The following COQ8A variants were observed in gnomAD, a reference collection of about 807,000 sequenced individuals.
COQ8A encodes atypical kinase COQ8A, mitochondrial.
In COQ8A, 51 loss-of-function variants were observed where a neutral mutation model predicts 65.0. The observed-to-expected ratio is 0.78, with a 90% confidence interval of 0.63 to 0.99. The LOEUF (loss-of-function observed/expected upper bound fraction) is 0.99. COQ8A is among the 50% of genes least tolerant of loss of function. The pLI, the probability that COQ8A is intolerant of heterozygous loss-of-function variation, is 0.00. For synonymous variants in COQ8A, 371 were observed against 353.2 expected, an observed-to-expected ratio of 1.05 and a Z score of -0.57; for missense variants, 940 against 875.0, an observed-to-expected ratio of 1.07 and a Z score of -0.94.
At chr1:226,975,456 G>A (rs1659135788) in intron 4 of COQ8A, among the ~76,000 whole-genome samples, 2 of 152,188 alleles carry the variant, frequency 1.3e-5, no homozygotes, top group African/African-American at 4.8e-5. Flanking sequence ...GAGACTTTGT[G>A]CACACACACA....
chr1:226,984,352 G>A, intron 11 of COQ8A, 117 bp downstream of exon 11: 1 of 1,491,254 alleles, frequency 6.7e-7, no homozygotes. Flanking sequence ...GGGGTGAGGG[G>A]CAGTGAAGTA....
chr1:226,983,134 C>T (rs1391149104), intron 8 of COQ8A, 100 bp downstream of exon 8: 20 of 1,468,646 alleles, frequency 1.4e-5, no homozygotes, highest in Non-Finnish European at 6.4e-6. Flanking sequence ...TCCCGCAGGG[C>T]ACCCTCTCTC....
Position 226,984,250 on chromosome 1 carries a change from G to A in COQ8A, c.1398+15G>A. On this transcript the variant is annotated intron_variant, in intron 11 of 14. Coordinates refer to ENST00000366777, the MANE Select transcript of COQ8A (RefSeq NM_020247.5). ...TTCGGAACGAGGTTTGTCTGTGCCA[G>A]CAGACAGGTGGGGCCAGGGTGGCCC... The A allele has an allele frequency of 6.2e-7, 1 of 1,613,216 alleles. No individual in the cohort carries two copies. Among genetic ancestry groups the A allele is most frequent in the Non-Finnish European group, 8.5e-7 (1 of 1,179,980 alleles).
intron 10 of COQ8A, 46 bp from the exon 11 acceptor site, chr1:226,984,048 G>A (rs745418665): frequency 1.2e-6 from 2 of 1,610,290 alleles, no homozygotes; most frequent in Non-Finnish European, 8.5e-7. Flanking sequence ...GGGGGGGACG[G>A]TGTGGAGGGC....
At chr1:226,967,848 ATGT>A (rs1381281834) in intron 4 of COQ8A, among the ~76,000 whole-genome samples, 2 of 152,208 alleles carry the variant, frequency 1.3e-5, no homozygotes, top group Non-Finnish European at 2.9e-5. Flanking sequence ...AGAGATGCTC[ATGT>A]TGTTGCCCAA....
At position 226,949,188 on chromosome 1, in the gene COQ8A, G is replaced by A. The variant is rs562505507; in HGVS notation, c.-10+8789G>A. Among the ~76,000 whole-genome samples the A allele has an allele frequency of 1.2e-4, 18 of 151,936 alleles. No individual in the cohort carries two copies. The highest frequency in any genetic ancestry group is 2.4e-4 in the Non-Finnish European group (16 of 68,004). ...AGTGGAGTGCGCTCACATGGCTCGC[G>A]CGTAGCTGGAGGCTGGAAAGGAGGC... On this transcript the variant is annotated intron_variant, in intron 1 of 14. Transcript: ENST00000366777. This position sits in a 1 kb window ranked among gnomAD's most constrained non-coding sequence, Gnocchi z 4.0.
At chr1:226,978,980 G>C (rs557738339) in intron 5 of COQ8A, among the ~76,000 whole-genome samples, 117 of 151,908 alleles carry the variant, frequency 7.7e-4, no homozygotes, top group African/African-American at 2.8e-3. Context: ...ACACCTCCTT[G>C]TAAACCCACC....
At chr1:226,960,370 G>GCAGTGGTACTTGGTGGTGGTACT (rs1558187344) in intron 1 of COQ8A, among the ~76,000 whole-genome samples, 3 of 148,372 alleles carry the variant, frequency 2.0e-5, no homozygotes, top group African/African-American at 2.5e-5. Flanking sequence ...CTTGGTGGTG[G>GCAGTGGTACTTGGTGGTGGTACT]TGGTGGTACT....
chr1:226,951,406 C>G (rs560445375), intron 1 of COQ8A, among the ~76,000 whole-genome samples: 1 of 152,094 alleles, frequency 6.6e-6, no homozygotes, highest in Non-Finnish European at 1.5e-5. Context: ...TTGGACAACC[C>G]CTCCCAGCCC....
Position 226,942,199 on chromosome 1 carries a change from C to T in COQ8A, c.-10+1800C>T, listed in dbSNP as rs116605584. Among the ~76,000 whole-genome samples, 381 of 152,192 alleles carry T rather than the reference C, an allele frequency of 2.5e-3. 2 individuals carry two copies. The highest frequency in any genetic ancestry group is 8.1e-3 in the African/African-American group (337 of 41,522). On this transcript the variant is annotated intron_variant, in intron 1 of 14. Transcript: ENST00000366777. ...AAACTCTAAAAAGAGTTGTCCTGTG[C>T]TGCCAGGGGTCCCTCTGGGACCTGC... is the stretch of plus-strand genomic sequence containing the variant.
chr1:226,978,079 C>G (rs1227597399), intron 5 of COQ8A, among the ~76,000 whole-genome samples: 1 of 147,512 alleles, frequency 6.8e-6, no homozygotes, highest in Non-Finnish European at 1.5e-5. Context: ...CACCTTACCC[C>G]TGCACACCCA....
intron 1 of COQ8A, among the ~76,000 whole-genome samples, chr1:226,945,730 T>C (rs930607060): frequency 6.6e-6 from 1 of 152,248 alleles, no homozygotes; most frequent in Non-Finnish European, 1.5e-5. Context: ...ATTGGCCTGC[T>C]GAGGAACAGC....
intron 8 of COQ8A, chr1:226,983,270 G>A (rs1179843777): frequency 1.4e-5 from 10 of 698,082 alleles, no homozygotes; most frequent in Admixed American, 5.8e-5. Flanking sequence ...GATTTGGGGT[G>A]GGCAAGGACA....
chr1:226,965,772 T>A lies in COQ8A; in HGVS notation c.655+35T>A. On this transcript the variant is annotated intron_variant, in intron 4 of 14. Coordinates refer to ENST00000366777, the MANE Select transcript of COQ8A (RefSeq NM_020247.5). ...CTGTGTGCCCCTGGACTGCCTCACC[T>A]GCCCTGCCTGGGCACCACGCTGCGG... 1.9e-6 allele frequency: 3 copies of A among 1,604,794 alleles called. No individual in the cohort carries two copies. In the South Asian group the frequency reaches 3.3e-5, roughly 18 times the overall value.
chr1:226,983,060 G>T, intron 8 of COQ8A, 26 bp downstream of exon 8: 1 of 1,568,366 alleles, frequency 6.4e-7, no homozygotes, highest in Non-Finnish European at 8.6e-7. Context: ...CGCAGTGCCT[G>T]TCCCTATGGG....
At position 226,986,434 on chromosome 1, in the gene COQ8A, C is replaced by T. The variant is rs1660118441; in HGVS notation, c.1660-19C>T. ...GCTCTGGTGTCTCGCCGCCATTTAT[C>T]CTTCCTCTCTTGCCCCAGGTCATGG... On this transcript the variant is annotated intron_variant, in intron 14 of 14. Transcript: ENST00000366777. 1 of 1,610,396 alleles carries T rather than the reference C, an allele frequency of 6.2e-7. No homozygotes were observed. Among genetic ancestry groups the T allele is most frequent in the Non-Finnish European group, 8.5e-7 (1 of 1,179,806 alleles).
chr1:226,977,134 T>C (rs946314175), intron 4 of COQ8A, among the ~76,000 whole-genome samples: 1 of 152,134 alleles, frequency 6.6e-6, no homozygotes, highest in Admixed American at 6.5e-5. Context: ...GCTGGGTCCT[T>C]CCCAGGTGCT....
Position 226,949,673 on chromosome 1 carries a change from TCCAGACTGATC to T in COQ8A, c.-10+9278_-10+9288del, listed in dbSNP as rs1164265010. On this transcript the variant is annotated intron_variant, in intron 1 of 14. Coordinates refer to ENST00000366777, the MANE Select transcript of COQ8A (RefSeq NM_020247.5). This position sits in a 1 kb window ranked among gnomAD's most constrained non-coding sequence, Gnocchi z 4.0. ...GCCTGGCAGGAACAACTGCGGGTTA[TCCAGACTGATC>T]CCATTCACCCTAACCGTTGGTCTCA... Among the ~76,000 whole-genome samples the T allele has an allele frequency of 6.6e-6, 1 of 152,216 alleles. No individual in the cohort carries two copies. The highest frequency in any genetic ancestry group is 2.4e-5 in the African/African-American group (1 of 41,450).
In COQ8A at chr1:226,961,397, A is replaced by G. The variant is rs999819239; in HGVS notation, c.12A>G (p.Ile4Met). The part of the protein sequence containing the change: MAA[I>M]LGDTIMVAKG... ...TCCAGCCCTGAAGGATGGCTGCCAT[A>G]TTGGGAGACACCATCATGGTGGCTA... Residue 4 changes from isoleucine (I) to methionine (M), a missense_variant, in exon 2 of 15, where the codon ATA (isoleucine) becomes ATG (methionine). Coordinates refer to ENST00000366777, the MANE Select transcript of COQ8A (RefSeq NM_020247.5). 6.2e-7 allele frequency: 1 copy of G among 1,613,690 alleles called. No individual in the cohort carries two copies. The highest frequency in any genetic ancestry group is 1.1e-5 in the South Asian group (1 of 91,088).
Sources: allele counts gnomAD v4.1 joint callset (sites outside exome capture counted in the v4.1 genomes callset), GRCh38; gene constraint gnomAD v4.1.1; non-coding constraint Gnocchi (gnomAD v3.1); transcripts MANE v1.5; gene names NCBI Gene and HGNC (gene_info 2026-07-23, HGNC 2026-07-21).